Variants in PCDH1 observed in about 807,000 individuals in gnomAD.
PCDH1 encodes the protein protocadherin 1, also known as protocadherin-1.
PCDH1 carries 23 observed loss-of-function variants against 74.6 expected under a neutral mutation model. The observed-to-expected ratio is 0.31, with a 90% CI of 0.22 to 0.44. PCDH1 has a LOEUF of 0.44. Among genes scored for constraint, PCDH1 ranks in the 20% least tolerant of loss-of-function variants. PCDH1 has a pLI of 1.00. For synonymous variants in PCDH1, 647 were observed against 686.1 expected (o/e 0.94, Z 0.89); for missense variants, 1,214 against 1,641.4 (o/e 0.74, Z 4.50).
At chr5:141,861,936 C>G (rs1312368666) in intron 3 of PCDH1, among the ~76,000 whole-genome samples, 1 of 152,120 alleles carries the variant, frequency 6.6e-6, no homozygotes, top group Non-Finnish European at 1.5e-5. Context: ...GGTAGCATCA[C>G]AGGCGGAAGG....
At chr5:141,855,116 C>A (rs1752283055) in intron 4 of PCDH1, among the ~76,000 whole-genome samples, 2 of 151,908 alleles carry the variant, frequency 1.3e-5, no homozygotes, top group South Asian at 4.2e-4. Flanking sequence ...TGACTATAGG[C>A]ATGCACTACC....
Position 141,864,136 on chromosome 5 carries a change from A to G in PCDH1, c.2195T>C (p.Leu732Pro). The change falls in exon 3 of 5, where the codon CTT becomes CCT. Residue 732 changes from leucine (L) to proline (P), a missense_variant. Physicochemically the swap from Leu to Pro is moderately conservative, Grantham distance 98. This residue lies in a region of PCDH1 where 836 missense variants were observed against 1,182.2 expected (regional missense o/e 0.71). Transcript: ENST00000287008. This position sits in a 1 kb window ranked among gnomAD's most constrained non-coding sequence, Gnocchi z 5.9. ...SHKLLTPQTR[L>P]GETVSQVAAE... ...TGCCACCTGGCTGACCGTCTCACCA[A>G]GACGTGTCTGGGGGGTCAGCAGCTT... is the stretch of plus-strand genomic sequence containing the variant. The G allele has an allele frequency of 6.2e-7, 1 of 1,609,456 alleles. No homozygotes were observed. Among genetic ancestry groups the G allele is most frequent in the South Asian group, 1.1e-5 (1 of 90,740 alleles).
rs966203683 is a variant in PCDH1 at position 141,878,127 on chromosome 5, G to A, written c.40+96C>T. ...GCCGAGCTCGTGTTGGGCCCCCGCG[G>A]CCTCGCTCCGCCGAGCGCCCCTCCC... On this transcript the variant is annotated intron_variant, in intron 1 of 4. Coordinates refer to ENST00000287008, the MANE Select transcript of PCDH1 (RefSeq NM_032420.5). This position sits in a 1 kb window ranked among gnomAD's most constrained non-coding sequence, Gnocchi z 5.5. 7 of 1,180,314 alleles carry A rather than the reference G, an allele frequency of 5.9e-6. No homozygotes were observed. The highest frequency in any genetic ancestry group is 7.8e-6 in the Non-Finnish European group (7 of 900,202). 73.1% of individuals were successfully genotyped at this position (1,180,314 alleles called of 1,614,324 possible).
chr5:141,875,444 G>C (rs1455293300), intron 1 of PCDH1, among the ~76,000 whole-genome samples: 1 of 151,942 alleles, frequency 6.6e-6, no homozygotes, highest in East Asian at 1.9e-4. Flanking sequence ...GCTCACGGCA[G>C]GGGCAGCCCT....
Position 141,853,750 on chromosome 5 carries a change from T to C in PCDH1, c.*292A>G. 3.0e-6 allele frequency: 1 copy of C among 328,602 alleles called. No individual in the cohort carries two copies. The highest frequency in any genetic ancestry group is 5.6e-6 in the Non-Finnish European group (1 of 179,932). The allele number at this position is 328,602 out of a possible 1,614,324, so 20.4% of individuals were successfully genotyped here. ...CTGCCCAAATCGAGGGGGTGCTCCC[T>C]GGAAGTCAAGGGAAGGAGCCCAGTC... is the stretch of plus-strand genomic sequence containing the variant. On this transcript the variant is annotated 3_prime_UTR_variant, in exon 5 of 5. Transcript: ENST00000287008.
intron 3 of PCDH1, chr5:141,862,645 C>A (rs1752610818): frequency 1.0e-6 from 1 of 985,988 alleles, no homozygotes; most frequent in Non-Finnish European, 1.2e-6. Flanking sequence ...AAATAAGAAA[C>A]CAAAACTCCA....
chr5:141,869,550 C>G lies in PCDH1; in HGVS notation c.41-119G>C. Reference sequence around the variant, plus strand: ...ACTGACACACGATTCTCCACAAGAGCAGTCAGTCCCAGCACAGAACCCCGA... The same window carrying G: ...ACTGACACACGATTCTCCACAAGAGGAGTCAGTCCCAGCACAGAACCCCGA... On this transcript the variant is annotated intron_variant, in intron 1 of 4. Transcript: ENST00000287008. The surrounding 1 kb of genome is among the most constrained non-coding windows in gnomAD (Gnocchi z 4.9). 6.5e-7 allele frequency: 1 copy of G among 1,538,170 alleles called. No individual in the cohort carries two copies. The highest frequency in any genetic ancestry group is 8.7e-7 in the Non-Finnish European group (1 of 1,148,036).
chr5:141,874,469 A>G (rs1366280713), intron 1 of PCDH1, among the ~76,000 whole-genome samples: 2 of 152,228 alleles, frequency 1.3e-5, no homozygotes, highest in Non-Finnish European at 2.9e-5. Flanking sequence ...CTGAGAAGCC[A>G]GAGCCTGAGG....
chr5:141,869,628 G>A lies in PCDH1; in HGVS notation c.41-197C>T, dbSNP rs1402077732. The A allele has an allele frequency of 1.2e-5, 19 of 1,534,314 alleles. No individual in the cohort carries two copies. The East Asian group carries it at 3.9e-4, about 32-fold the overall frequency. On this transcript the variant is annotated intron_variant, in intron 1 of 4. Transcript: ENST00000287008. This position sits in a 1 kb window ranked among gnomAD's most constrained non-coding sequence, Gnocchi z 4.9. ...ATCCACAGCTGGGTGTAGCAGCAGT[G>A]TCTGCCCCAGCTGGAGGAGCCAGTA...
chr5:141,867,600 C>T (rs772421054), intron 2 of PCDH1: 8 of 452,984 alleles, frequency 1.8e-5, no homozygotes, highest in South Asian at 1.3e-4. Context: ...TTTCCAGGTC[C>T]CAGTCCACCA....
At chr5:141,857,034 A>T (rs1752374677) in intron 4 of PCDH1, among the ~76,000 whole-genome samples, 1 of 152,182 alleles carries the variant, frequency 6.6e-6, no homozygotes, top group South Asian at 2.1e-4. Flanking sequence ...AACCTCTCTA[A>T]GCCTCAGTTT....
Position 141,863,084 on chromosome 5 carries a change from C to T in PCDH1, c.3099+148G>A. The T allele has an allele frequency of 2.9e-6, 4 of 1,388,040 alleles. No homozygotes were observed. Among genetic ancestry groups the T allele is most frequent in the Non-Finnish European group, 3.8e-6 (4 of 1,066,516 alleles). The allele number at this position is 1,388,040 out of a possible 1,614,324, so 86.0% of individuals were successfully genotyped here. On this transcript the variant is annotated intron_variant, in intron 3 of 4. Coordinates refer to ENST00000287008, the MANE Select transcript of PCDH1 (RefSeq NM_032420.5). This position sits in a 1 kb window ranked among gnomAD's most constrained non-coding sequence, Gnocchi z 7.5. ...CCGTGTGCCCGGTGAGGCACTAAGGCCCCACCTCCCACTGCTGGCTCAGGC... is the reference window on the plus strand; with the variant it reads ...CCGTGTGCCCGGTGAGGCACTAAGGTCCCACCTCCCACTGCTGGCTCAGGC...
At chr5:141,873,585 T>C (rs1379496417) in intron 1 of PCDH1, among the ~76,000 whole-genome samples, 10 of 150,112 alleles carry the variant, frequency 6.7e-5, no homozygotes, top group African/African-American at 9.8e-5. Flanking sequence ...TAGCTGGGAC[T>C]ACAGGCGCCC....
At chr5:141,861,115 C>CAAAAAAAAAAAAA (rs59007688) in intron 3 of PCDH1, among the ~76,000 whole-genome samples, 1 of 61,924 alleles carries the variant, frequency 1.6e-5, no homozygotes, top group Non-Finnish European at 2.8e-5. Context: ...AACTCCATCT[C>CAAAAAAAAAAAAA]AAAAAAAAAA....
At chr5:141,861,325 T>G (rs1015498512) in intron 3 of PCDH1, among the ~76,000 whole-genome samples, 2 of 152,076 alleles carry the variant, frequency 1.3e-5, no homozygotes, top group Non-Finnish European at 2.9e-5. Flanking sequence ...ACTTGGCCTG[T>G]GTGTGTTGAT....
Position 141,853,811 on chromosome 5 carries a change from A to C in PCDH1, c.*231T>G. 2.5e-6 allele frequency: 1 copy of C among 405,716 alleles called. No homozygotes were observed. 25.1% of individuals were successfully genotyped at this position (405,716 alleles called of 1,614,324 possible). On this transcript the variant is annotated 3_prime_UTR_variant, in exon 5 of 5. Transcript: ENST00000287008. ...AGCCCTCTTGGGCATCAGATGGGGGAAGCCCCATAAAGGGGAAGGGGCCCC... is the reference window on the plus strand; with the variant it reads ...AGCCCTCTTGGGCATCAGATGGGGGCAGCCCCATAAAGGGGAAGGGGCCCC...
intron 3 of PCDH1, among the ~76,000 whole-genome samples, chr5:141,859,304 C>T (rs1277170452): frequency 1.3e-5 from 2 of 152,174 alleles, no homozygotes; most frequent in Non-Finnish European, 2.9e-5. Flanking sequence ...GGCTTTGGTC[C>T]TGCCTACTAA....
chr5:141,873,066 G>C (rs1422275486), intron 1 of PCDH1, among the ~76,000 whole-genome samples: 2 of 152,080 alleles, frequency 1.3e-5, no homozygotes, highest in Non-Finnish European at 2.9e-5. Flanking sequence ...GCAATGGTCG[G>C]ACCATCTGGG....
In PCDH1 at chr5:141,863,893, T is replaced by C. The variant is rs751967807; in HGVS notation, c.2438A>G (p.Asn813Ser). Residue 813 changes from asparagine to serine, a missense_variant, in exon 3 of 5, where the codon AAT becomes AGT. Asn to Ser is a conservative substitution (Grantham distance 46). Coordinates refer to ENST00000287008, the MANE Select transcript of PCDH1 (RefSeq NM_032420.5). The surrounding 1 kb of genome is among the most constrained non-coding windows in gnomAD (Gnocchi z 7.5). ...CAGCGTGCGGTTGGCCAGAGTCTCA[T>C]TGACATAAAGATGGACCAAGGCTGT... is the stretch of plus-strand genomic sequence containing the variant. ...YGTALVHLYVNETLANRTLLE... is the reference protein window; with the variant it reads ...YGTALVHLYVSETLANRTLLE... 37 of 1,613,990 alleles carry C rather than the reference T, an allele frequency of 2.3e-5. No individual in the cohort carries two copies. The highest frequency in any genetic ancestry group is 3.3e-5 in the South Asian group (3 of 91,092).
Sources: gnomAD v4.1 joint callset for allele counts (sites outside exome capture counted in the v4.1 genomes callset) on GRCh38, gnomAD v4.1.1 for gene constraint, gnomAD v4.1.1 regional missense constraint, Gnocchi (gnomAD v3.1) non-coding constraint, MANE v1.5 for transcripts, NCBI Gene and HGNC (gene_info 2026-07-23, HGNC 2026-07-21) for gene names.